Variants in RBBP9 observed in about 807,000 individuals in gnomAD.
The protein encoded by RBBP9 is RB binding protein 9, serine hydrolase, also known as serine hydrolase RBBP9.
Under a neutral mutation model 24.2 loss-of-function variants are expected in RBBP9, and 20 were observed. That is an observed-to-expected ratio of 0.83 (90% CI 0.58 to 1.20). RBBP9 has a LOEUF of 1.20. Ranked by LOEUF, RBBP9 falls within the 50% of genes most tolerant of loss-of-function variation. The pLI, the probability that RBBP9 is intolerant of heterozygous loss-of-function variation, is 0.00. For synonymous variants in RBBP9, 74 were observed against 84.6 expected, an observed-to-expected ratio of 0.87 and a Z score of 0.69; for missense variants, 234 against 233.6, an observed-to-expected ratio of 1.00 and a Z score of -0.01.
At position 18,489,782 on chromosome 20, in the gene RBBP9, CAA is replaced by C. The variant is rs1568586382; in HGVS notation, c.541_542del (p.Leu181AlafsTer22). On this transcript the variant is annotated frameshift_variant, in exon 5 of 5. Transcript: ENST00000337227. LOFTEE classifies it high-confidence loss of function. ...ATACAGTCTATGCTGGTACTTTCAG[CAA>C]AGACTTTACAACAGTAATCAGTTCA... ...FHELITVVKS[L>X]LKVPA The C allele has an allele frequency of 1.9e-6, 3 of 1,610,844 alleles. No homozygotes were observed. Among genetic ancestry groups the C allele is most frequent in the Non-Finnish European group, 1.7e-6 (2 of 1,177,218 alleles).
rs2059849541 is a variant in RBBP9, at chr20:18,487,820, C to T, written c.*1944G>A. 6.6e-6 allele frequency: 1 copy of T among 152,204 alleles called. No individual in the cohort carries two copies. The highest frequency in any genetic ancestry group is 1.5e-5 in the Non-Finnish European group (1 of 68,078). 9.4% of individuals were successfully genotyped at this position (152,204 alleles called of 1,614,324 possible). A position where few individuals can be genotyped will look rare whatever the true frequency, so the allele number is the denominator to read the frequency against. On this transcript the variant is annotated 3_prime_UTR_variant, in exon 5 of 5. Transcript: ENST00000337227. ...TACAAAAATTAGCCAGGCGTGGTGG[C>T]ACATGCCTTTAGTTCACACTACTTG...
chr20:18,489,924 C>G lies in RBBP9; in HGVS notation c.401G>C (p.Gly134Ala), dbSNP rs2059858695. The change falls in exon 5 of 5, where the codon GGC becomes GCC. Residue 134 changes from glycine to alanine, a missense_variant. By Grantham distance (60) the Gly-to-Ala change is moderately conservative (BLOSUM62 0). Transcript: ENST00000337227. ...GGGAAGGAACGGGTCGTCAGTAGAG[C>G]CAAACTGCACAATGTAAGGGCAGTT... Reference protein sequence around the residue: ...KANCPYIVQFGSTDDPFLPWK... With the variant: ...KANCPYIVQFASTDDPFLPWK... The G allele has an allele frequency of 1.2e-6, 2 of 1,613,894 alleles. No homozygotes were observed. Among genetic ancestry groups the G allele is most frequent in the East Asian group, 2.2e-5 (1 of 44,874 alleles).
At position 18,488,626 on chromosome 20, in the gene RBBP9, T is replaced by G. The variant is rs2059852666; in HGVS notation, c.*1138A>C. 1 of 152,210 alleles carries G rather than the reference T, an allele frequency of 6.6e-6. No individual in the cohort carries two copies. The highest frequency in any genetic ancestry group is 2.1e-4 in the South Asian group (1 of 4,828). 9.4% of individuals were successfully genotyped at this position (152,210 alleles called of 1,614,324 possible). On this transcript the variant is annotated 3_prime_UTR_variant, in exon 5 of 5. Transcript: ENST00000337227. ...AAATGGAATGTGCTTGAAAGAGATCTAAAGGGCCATGGAAGTTAAAAGGTT... is the reference window on the plus strand; with the variant it reads ...AAATGGAATGTGCTTGAAAGAGATCGAAAGGGCCATGGAAGTTAAAAGGTT...
chr20:18,495,916 G>A (rs766462131), intron 1 of RBBP9, 36 bp from the exon 2 acceptor site: 1 of 1,448,702 alleles, frequency 6.9e-7, no homozygotes. Flanking sequence ...CTATAATAAA[G>A]AGCTTAATTA....
At chr20:18,491,277 G>A (rs761392707) in intron 3 of RBBP9, among the ~76,000 whole-genome samples, 3 of 152,194 alleles carry the variant, frequency 2.0e-5, no homozygotes, top group Non-Finnish European at 2.9e-5. Context: ...ACTCCACATT[G>A]CCTTATATTA....
At position 18,488,263 on chromosome 20, in the gene RBBP9, T is replaced by C. The variant is rs962813193; in HGVS notation, c.*1501A>G. On this transcript the variant is annotated 3_prime_UTR_variant, in exon 5 of 5. Coordinates refer to ENST00000337227, the MANE Select transcript of RBBP9 (RefSeq NM_006606.3). The stretch of plus-strand genomic sequence containing the variant: ...ATGAAAAAGGGTGGGTTTTTTTAAT[T>C]AAAAAAAAATTTTTTTTTTTAAGAG... The C allele has an allele frequency of 6.6e-6, 1 of 151,144 alleles. No homozygotes were observed. The highest frequency in any genetic ancestry group is 1.5e-5 in the Non-Finnish European group (1 of 67,746). The allele number at this position is 151,144 out of a possible 1,614,324, so 9.4% of individuals were successfully genotyped here.
At chr20:18,491,198 G>C (rs746455476) in intron 3 of RBBP9, among the ~76,000 whole-genome samples, 1 of 152,228 alleles carries the variant, frequency 6.6e-6, no homozygotes, top group Non-Finnish European at 1.5e-5. Flanking sequence ...TGACTCTAAT[G>C]CAAGTGGTCT....
rs1455073521 is a variant in RBBP9, at chr20:18,486,663, C to T, written c.*3101G>A. ...TTTATCCTACAGGGATAAACTGTAA[C>T]CAAAACAGATTGTGGGGCTCTAGAC... On this transcript the variant is annotated 3_prime_UTR_variant, in exon 5 of 5. Transcript: ENST00000337227. 1 of 152,012 alleles carries T rather than the reference C, an allele frequency of 6.6e-6. No individual in the cohort carries two copies. The allele number at this position is 152,012 out of a possible 1,614,324, so 9.4% of individuals were successfully genotyped here.
At chr20:18,494,575 G>C (rs1455707539) in intron 2 of RBBP9, among the ~76,000 whole-genome samples, 1 of 151,978 alleles carries the variant, frequency 6.6e-6, no homozygotes, top group Non-Finnish European at 1.5e-5. Flanking sequence ...CAGCTACTTG[G>C]GAGGCTGACA....
Position 18,489,843 on chromosome 20 carries a change from G to A in RBBP9, c.482C>T (p.Thr161Ile). Reference protein sequence around the residue: ...DRLETKLHKFTDCGHFQNTEF... With the variant: ...DRLETKLHKFIDCGHFQNTEF... Reference sequence around the variant, plus strand: ...TGTGTTCTGAAAGTGGCCACAGTCAGTGAATTTGTGCAATTTGGTTTCCAA... The same window carrying A: ...TGTGTTCTGAAAGTGGCCACAGTCAATGAATTTGTGCAATTTGGTTTCCAA... Residue 161 changes from threonine (T) to isoleucine (I), a missense_variant, in exon 5 of 5, where the codon ACT becomes ATT. Transcript: ENST00000337227. 1 of 1,614,114 alleles carries A rather than the reference G, an allele frequency of 6.2e-7. No homozygotes were observed. Among genetic ancestry groups the A allele is most frequent in the South Asian group, 1.1e-5 (1 of 91,082 alleles).
Position 18,495,840 on chromosome 20 carries a change from G to A in RBBP9, c.140C>T (p.Pro47Leu), listed in dbSNP as rs1195369132. ...FQCLAKNMPD[P>L]ITARESIWLP... ...TTAAAAACAAGTTTAAAACTTACTT[G>A]GGTCGGGCATGTTTTTAGCCAAACA... Residue 47 changes from proline to leucine, a missense_variant and splice_region_variant, in exon 2 of 5, where the codon CCA (proline) becomes CTA (leucine). Physicochemically the swap from Pro to Leu is moderately conservative, Grantham distance 98 (BLOSUM62 -3). Coordinates refer to ENST00000337227, the MANE Select transcript of RBBP9 (RefSeq NM_006606.3). The A allele has an allele frequency of 6.4e-7, 1 of 1,562,892 alleles. No homozygotes were observed. The highest frequency in any genetic ancestry group is 1.7e-5 in the Admixed American group (1 of 58,986).
intron 3 of RBBP9, among the ~76,000 whole-genome samples, chr20:18,490,837 G>A (rs898408003): frequency 1.3e-5 from 2 of 151,970 alleles, no homozygotes; most frequent in Non-Finnish European, 2.9e-5. Context: ...GCACCACCAC[G>A]CCCAGCTAAT....
chr20:18,495,930 C>G, intron 1 of RBBP9, 50 bp from the exon 2 acceptor site: 1 of 1,374,248 alleles, frequency 7.3e-7, no homozygotes. Context: ...TTAATTACAA[C>G]TAATACTTTG....
rs1323118280 is a variant in RBBP9, at chr20:18,490,390, C to T, written c.334+5G>A. 3 of 1,610,120 alleles carry T rather than the reference C, an allele frequency of 1.9e-6. No individual in the cohort carries two copies. In the African/African-American group the frequency reaches 4.0e-5, roughly 22 times the overall value. ...CTTTGCTCAGATTTCTACCTTTGGA[C>T]TTACCACTTGCACGCTCATTTTCAT... On this transcript the variant is annotated splice_donor_5th_base_variant and intron_variant, in intron 4 of 4. Coordinates refer to ENST00000337227, the MANE Select transcript of RBBP9 (RefSeq NM_006606.3).
At chr20:18,492,222 C>CAATA (rs2059868894) in intron 3 of RBBP9, among the ~76,000 whole-genome samples, 1 of 151,980 alleles carries the variant, frequency 6.6e-6, no homozygotes, top group Non-Finnish European at 1.5e-5. Flanking sequence ...CTATTACACC[C>CAATA]AATAAATTTC....
chr20:18,491,454 T>A (rs148193519), intron 3 of RBBP9, among the ~76,000 whole-genome samples: 1 of 152,122 alleles, frequency 6.6e-6, no homozygotes, highest in Non-Finnish European at 1.5e-5. Context: ...GTTTTTGCCA[T>A]TAAAAGTAAG....
At position 18,497,222 on chromosome 20, in the gene RBBP9, C is replaced by T; in HGVS notation, c.-55G>A. ...CGGGTCCAGCGGAGCTGAGCCCAGCCTGCTCCCGCAGGGAGCCTGCGCCGC... is the reference window on the plus strand; with the variant it reads ...CGGGTCCAGCGGAGCTGAGCCCAGCTTGCTCCCGCAGGGAGCCTGCGCCGC... On this transcript the variant is annotated 5_prime_UTR_variant, in exon 1 of 5. Transcript: ENST00000337227. The T allele has an allele frequency of 3.4e-6, 5 of 1,457,844 alleles. No individual in the cohort carries two copies. The highest frequency in any genetic ancestry group is 9.6e-7 in the Non-Finnish European group (1 of 1,044,714). 90.3% of individuals were successfully genotyped at this position (1,457,844 alleles called of 1,614,324 possible).
chr20:18,496,809 C>G (rs1437161721), intron 1 of RBBP9, among the ~76,000 whole-genome samples: 1 of 152,184 alleles, frequency 6.6e-6, no homozygotes, highest in African/African-American at 2.4e-5. Context: ...GGGCGGGGCT[C>G]AGGGGCTCAG....
At chr20:18,492,096 CAAAAAAAAAAAA>C (rs71194242) in intron 3 of RBBP9, among the ~76,000 whole-genome samples, 47 of 70,098 alleles carry the variant, frequency 6.7e-4, no homozygotes, top group Non-Finnish European at 9.5e-4. Context: ...GGCTCTGTCT[CAAAAAAAAAAAA>C]AAAAAAAAAA....
Sources: allele counts gnomAD v4.1 joint callset (sites outside exome capture counted in the v4.1 genomes callset), GRCh38; gene constraint gnomAD v4.1.1; transcripts MANE v1.5; gene names NCBI Gene and HGNC (gene_info 2026-07-23, HGNC 2026-07-21).